Variants in ATP1B4 observed in about 807,000 individuals in gnomAD.
The protein encoded by ATP1B4 is protein ATP1B4.
In ATP1B4, 32 loss-of-function variants were observed where a neutral mutation model predicts 29.6. The observed-to-expected ratio is 1.08, with a 90% CI of 0.82 to 1.45. ATP1B4 has a LOEUF of 1.45. Ranked by LOEUF, ATP1B4 falls within the 40% of genes most tolerant of loss-of-function variation. The pLI, the probability that ATP1B4 is intolerant of heterozygous loss-of-function variation, is 0.00. For synonymous variants in ATP1B4, 127 were observed against 102.1 expected, an observed-to-expected ratio of 1.24 and a Z score of -1.47; for missense variants, 323 against 276.2, an observed-to-expected ratio of 1.17 and a Z score of -1.20.
At chrX:120,376,877 C>G (rs2147256978) in intron 6 of ATP1B4, among the ~76,000 whole-genome samples, 1 of 112,466 alleles carries the variant, frequency 8.9e-6, no homozygotes, top group East Asian at 2.8e-4. Context: ...CAGCAATGAC[C>G]AGTGGTACTG....
At chrX:120,370,122 C>G (rs911135476) in intron 2 of ATP1B4, among the ~76,000 whole-genome samples, 1 of 111,470 alleles carries the variant, frequency 9.0e-6, no homozygotes, top group African/African-American at 3.3e-5. Context: ...CCTTCCCCAC[C>G]CTGTGTTAGT....
chrX:120,362,296 G>A (rs1256710103), intron 1 of ATP1B4, 65 bp downstream of exon 1: 1 of 1,029,876 alleles, frequency 9.7e-7, no homozygotes, highest in East Asian at 3.0e-5. Flanking sequence ...GGTGGGTTGG[G>A]GGCTGTGTAG....
intron 6 of ATP1B4, among the ~76,000 whole-genome samples, chrX:120,377,770 A>G (rs1340355456): frequency 8.9e-6 from 1 of 112,061 alleles, no homozygotes; most frequent in Non-Finnish European, 1.9e-5. Context: ...ATAATAAACA[A>G]TACTGGTCAA....
At chrX:120,369,431 T>G (rs1364443591) in intron 2 of ATP1B4, among the ~76,000 whole-genome samples, 2 of 112,586 alleles carry the variant, frequency 1.8e-5, no homozygotes, top group Non-Finnish European at 3.8e-5. Context: ...TTGGTTAATT[T>G]TATTTGGTTC....
chrX:120,368,598 T>G (rs987125405), intron 2 of ATP1B4, among the ~76,000 whole-genome samples: 2 of 112,035 alleles, frequency 1.8e-5, no homozygotes, highest in Admixed American at 9.5e-5. Context: ...CCTATAGTCA[T>G]ATAGTTACTA....
chrX:120,377,505 A>C (rs1281324539), intron 6 of ATP1B4, among the ~76,000 whole-genome samples: 1 of 112,163 alleles, frequency 8.9e-6, no homozygotes, highest in African/African-American at 3.2e-5. Flanking sequence ...CATGAAAAAT[A>C]AATTTCATTG....
Position 120,371,186 on chromosome X carries a change from AT to A in ATP1B4, c.540del (p.Ser181AlafsTer2). On this transcript the variant is annotated frameshift_variant, in exon 4 of 8. Coordinates refer to ENST00000218008, the MANE Select transcript of ATP1B4 (RefSeq NM_001142447.3). LOFTEE classifies it high-confidence loss of function. ...SEPDTWQHYV[I>X]SLNGFLQGYN... ...ACCCGACACTTGGCAGCATTATGTG[AT>A]TAGCCTAAATGGCTTTCTCCAGGGT... 2 of 1,207,838 alleles carry A rather than the reference AT, an allele frequency of 1.7e-6. No homozygotes were observed. The highest frequency in any genetic ancestry group is 2.2e-6 in the Non-Finnish European group (2 of 891,960).
chrX:120,371,439 G>A (rs1051952938), intron 4 of ATP1B4, among the ~76,000 whole-genome samples: 1 of 111,836 alleles, frequency 8.9e-6, no homozygotes, highest in Non-Finnish European at 1.9e-5. Flanking sequence ...AGCAAGATAA[G>A]CTCTTTGTGG....
chrX:120,379,379 C>T, intron 7 of ATP1B4, 94 bp from the exon 8 acceptor site: 4 of 868,609 alleles, frequency 4.6e-6, no homozygotes, highest in Non-Finnish European at 6.4e-6. Flanking sequence ...TTACTCAGTT[C>T]TCTTTGTGAG....
At chrX:120,376,353 A>G in intron 5 of ATP1B4, 27 bp from the exon 6 acceptor site, 1 of 1,202,305 alleles carries the variant, frequency 8.3e-7, no homozygotes, top group Non-Finnish European at 1.1e-6. Context: ...GTTAAAAAAA[A>G]ATAAAACACT....
chrX:120,374,791 T>TACCGTTATATATAATATATATATATAC (rs1556039803), intron 4 of ATP1B4, among the ~76,000 whole-genome samples: 26 of 5,093 alleles, frequency 5.1e-3, no homozygotes, highest in African/African-American at 0.017. Context: ...ATATATTATA[T>TACCGTTATATATAATATATATATATAC]ACCCTTATAT....
At chrX:120,368,895 A>G (rs2058299304) in intron 2 of ATP1B4, among the ~76,000 whole-genome samples, 1 of 111,408 alleles carries the variant, frequency 9.0e-6, no homozygotes, top group Admixed American at 9.6e-5. Context: ...AGAGGGATCA[A>G]TGGGTTCAAA....
At chrX:120,376,149 G>A (rs767103303) in intron 5 of ATP1B4, among the ~76,000 whole-genome samples, 10 of 111,080 alleles carry the variant, frequency 9.0e-5, no homozygotes, top group South Asian at 3.8e-4. Context: ...ACTTGCTGAC[G>A]TTTCCCCTTG....
At chrX:120,374,639 T>TATATTATATATATATAATATAATATA (rs2058334409) in intron 4 of ATP1B4, among the ~76,000 whole-genome samples, 1 of 12,786 alleles carries the variant, frequency 7.8e-5, no homozygotes, top group African/African-American at 4.0e-4. Flanking sequence ...AATATAATAT[T>TATATTATATATATATAATATAATATA]ATATTATATA....
rs780779421 is a variant in ATP1B4 at position 120,378,784 on chromosome X, T to G, written c.912+11T>G. The G allele has an allele frequency of 1.7e-6, 2 of 1,190,180 alleles. No individual in the cohort carries two copies. Among genetic ancestry groups the G allele is most frequent in the Admixed American group, 4.4e-5 (2 of 45,583 alleles). ...GGCAAACTGACTCACGTAAGCTGTATTCCCTTTAGTCATTGCTGTCAGAAA... is the reference window on the plus strand; with the variant it reads ...GGCAAACTGACTCACGTAAGCTGTAGTCCCTTTAGTCATTGCTGTCAGAAA... On this transcript the variant is annotated intron_variant, in intron 7 of 7. Coordinates refer to ENST00000218008, the MANE Select transcript of ATP1B4 (RefSeq NM_001142447.3).
At chrX:120,364,408 AGAGT>A (rs2058275976) in intron 1 of ATP1B4, among the ~76,000 whole-genome samples, 2 of 111,755 alleles carry the variant, frequency 1.8e-5, no homozygotes, top group Admixed American at 9.5e-5. Flanking sequence ...GCATTCCCGC[AGAGT>A]CCTGCATCAG....
In ATP1B4 at chrX:120,375,417, C is replaced by T. The variant is rs150466232; in HGVS notation, c.608C>T (p.Pro203Leu). Residue 203 changes from proline to leucine, a missense_variant, in exon 5 of 8, where the codon CCG (proline) becomes CTG (leucine). Coordinates refer to ENST00000218008, the MANE Select transcript of ATP1B4 (RefSeq NM_001142447.3). ...GAGGAAATGAATGTAGATTGTCCCC[C>T]GGGGCAGTACTTCATCCAAGATGGC... The part of the protein sequence containing the change: ...LQEEMNVDCP[P>L]GQYFIQDGNE... The T allele has an allele frequency of 7.0e-5, 84 of 1,208,184 alleles. No homozygotes were observed. The Middle Eastern group carries it at 9.2e-4, about 13-fold the overall frequency.
intron 6 of ATP1B4, 139 bp from the exon 7 acceptor site, chrX:120,378,539 T>C (rs1051246289): frequency 1.8e-6 from 1 of 546,163 alleles, no homozygotes; most frequent in Non-Finnish European, 3.2e-6. Context: ...TGAGCTCTGC[T>C]CCATTCTGCT....
In ATP1B4 at chrX:120,382,644, A is replaced by G. The variant is rs1375304370; in HGVS notation, c.*3010A>G. 1 of 112,465 alleles carries G rather than the reference A, an allele frequency of 8.9e-6. No homozygotes were observed. The highest frequency in any genetic ancestry group is 1.9e-5 in the Non-Finnish European group (1 of 53,267). The allele number at this position is 112,465 out of a possible 1,213,427, so 9.3% of individuals were successfully genotyped here. On this transcript the variant is annotated 3_prime_UTR_variant, in exon 8 of 8. Transcript: ENST00000218008. ...CCCAAACATTTTGAAACGTATGTAA[A>G]TTTTGAGTTAAAATAGTTAACATTT...
Sources: gnomAD v4.1 joint callset for allele counts (sites outside exome capture counted in the v4.1 genomes callset) on GRCh38, gnomAD v4.1.1 for gene constraint, MANE v1.5 for transcripts, NCBI Gene and HGNC (gene_info 2026-07-23, HGNC 2026-07-21) for gene names.